CSMD1: variants seen among roughly 807,000 people sequenced by gnomAD.
CSMD1 encodes CUB and Sushi multiple domains 1, also known as CUB and sushi domain-containing protein 1.
A neutral mutation model predicts 417.5 loss-of-function variants in CSMD1; 213 were observed. The observed-to-expected ratio is 0.51, with a 90% CI of 0.46 to 0.57. The LOEUF (loss-of-function observed/expected upper bound fraction) is 0.57. Ranked by LOEUF, CSMD1 falls within the 20% of genes least tolerant of loss-of-function variation. CSMD1 has a pLI of 0.00. For missense variants in CSMD1, 6,923 were observed against 4,529.7 expected (o/e 1.53, Z -15.17); for synonymous variants, 2,862 against 1,736.8 (o/e 1.65, Z -16.11).
intron 18 of CSMD1, among the ~76,000 whole-genome samples, chr8:3,379,657 G>C (rs7820563): frequency 0.8 from 121,885 of 152,096 alleles, 49,247 homozygotes; most frequent in African/African-American, 0.9. Flanking sequence ...AAAGGATTCC[G>C]TATTTAATAA....
intron 7 of CSMD1, among the ~76,000 whole-genome samples, chr8:3,698,678 G>T (rs910009295): frequency 6.6e-6 from 1 of 152,134 alleles, no homozygotes; most frequent in East Asian, 1.9e-4. Flanking sequence ...AACACGCCTG[G>T]TATTCCTTAA....
intron 25 of CSMD1, among the ~76,000 whole-genome samples, chr8:3,297,180 C>G (rs1426763154): frequency 6.6e-6 from 1 of 152,058 alleles, no homozygotes; most frequent in Non-Finnish European, 1.5e-5. Flanking sequence ...CATACAAAAG[C>G]TAAATAAATG....
intron 3 of CSMD1, among the ~76,000 whole-genome samples, chr8:4,175,164 T>C (rs1350999469): frequency 1.3e-5 from 2 of 152,060 alleles, no homozygotes; most frequent in East Asian, 1.9e-4. Context: ...AAGATCATTG[T>C]TGAAAAGTGA....
chr8:3,747,106 A>G (rs1797100501), intron 6 of CSMD1, among the ~76,000 whole-genome samples: 1 of 152,242 alleles, frequency 6.6e-6, no homozygotes, highest in African/African-American at 2.4e-5. Flanking sequence ...AAGTCGGTGG[A>G]GAAACACAGT....
chr8:3,934,058 T>A (rs1810324258), intron 5 of CSMD1, among the ~76,000 whole-genome samples: 1 of 152,158 alleles, frequency 6.6e-6, no homozygotes, highest in African/African-American at 2.4e-5. Context: ...ACACTGAGTA[T>A]CAGTGACACC....
At chr8:3,100,323 G>C (rs1054225898) in intron 46 of CSMD1, among the ~76,000 whole-genome samples, 1 of 152,112 alleles carries the variant, frequency 6.6e-6, no homozygotes, top group African/African-American at 2.4e-5. Context: ...ACCATGCTCG[G>C]CCTAAGAAGC....
intron 46 of CSMD1, among the ~76,000 whole-genome samples, chr8:3,102,034 T>G (rs1815793893): frequency 6.6e-6 from 1 of 152,070 alleles, no homozygotes; most frequent in African/African-American, 2.4e-5. Flanking sequence ...ACTCCTGACC[T>G]CAGGTGATCC....
intron 2 of CSMD1, among the ~76,000 whole-genome samples, chr8:4,575,430 T>C (rs1277731241): frequency 2.0e-5 from 3 of 152,226 alleles, no homozygotes; most frequent in East Asian, 3.9e-4. Context: ...CCACTACATA[T>C]TGTCTGTGTA....
intron 1 of CSMD1, among the ~76,000 whole-genome samples, chr8:4,831,965 A>C (rs1454492620): frequency 6.6e-6 from 1 of 152,182 alleles, no homozygotes; most frequent in Non-Finnish European, 1.5e-5. Context: ...TGGGAGAAAA[A>C]GTGAGGGGAA....
intron 1 of CSMD1, among the ~76,000 whole-genome samples, chr8:4,668,581 C>T (rs1407729820): frequency 6.6e-6 from 1 of 151,788 alleles, no homozygotes; most frequent in Admixed American, 6.6e-5. Context: ...TCCAGAGAAG[C>T]TGGGAATACA....
At chr8:4,833,649 A>T (rs1242761839) in intron 1 of CSMD1, among the ~76,000 whole-genome samples, 1 of 152,210 alleles carries the variant, frequency 6.6e-6, no homozygotes. Flanking sequence ...AACAGAGTAG[A>T]CAACACTACG....
At position 4,100,085 on chromosome 8, in the gene CSMD1, C is replaced by G. The variant is rs375372063; in HGVS notation, c.416-67986G>C. ...AGAATCCAAGAAATTTGGGTTAATC[C>G]AGACTCCTACTCACTGGCTTTCTGA... On this transcript the variant is annotated intron_variant, in intron 3 of 69. Coordinates refer to ENST00000635120, the MANE Select transcript of CSMD1 (RefSeq NM_033225.6). Among the ~76,000 whole-genome samples, 149 of 152,164 alleles carry G rather than the reference C, an allele frequency of 9.8e-4. 6 individuals carry two copies. In the South Asian group the frequency reaches 0.029, roughly 30 times the overall value.
At chr8:3,568,074 A>G (rs1799790878) in intron 10 of CSMD1, among the ~76,000 whole-genome samples, 1 of 152,208 alleles carries the variant, frequency 6.6e-6, no homozygotes, top group Non-Finnish European at 1.5e-5. Context: ...TTTACTTAAT[A>G]TGTTTAAAAA....
intron 41 of CSMD1, among the ~76,000 whole-genome samples, chr8:3,141,196 G>A (rs979220247): frequency 6.6e-6 from 1 of 152,022 alleles, no homozygotes; most frequent in South Asian, 2.1e-4. Flanking sequence ...TGGGATGGGA[G>A]TACAGGTGAA....
At chr8:4,464,931 C>T (rs1259149244) in intron 2 of CSMD1, among the ~76,000 whole-genome samples, 2 of 151,978 alleles carry the variant, frequency 1.3e-5, no homozygotes, top group African/African-American at 4.8e-5. Flanking sequence ...AGCACGAAGC[C>T]ATATTCAAAC....
chr8:4,613,542 C>T (rs1238556204), intron 2 of CSMD1, among the ~76,000 whole-genome samples: 1 of 152,192 alleles, frequency 6.6e-6, no homozygotes, highest in Admixed American at 6.5e-5. Flanking sequence ...GTAAGCCCAG[C>T]ACTTTCACAC....
intron 3 of CSMD1, among the ~76,000 whole-genome samples, chr8:4,258,277 T>A (rs1287356999): frequency 7.9e-6 from 1 of 126,344 alleles, no homozygotes; most frequent in Non-Finnish European, 1.6e-5. Flanking sequence ...CGCTGTGAGC[T>A]ATTATGGTAA....
At position 3,548,990 on chromosome 8, in the gene CSMD1, T is replaced by C. The variant is rs80216085; in HGVS notation, c.1344+25955A>G. Among the ~76,000 whole-genome samples, 731 of 152,152 alleles carry C rather than the reference T, an allele frequency of 4.8e-3. 5 individuals are homozygous for C. Among genetic ancestry groups the C allele is most frequent in the African/African-American group, 0.016 (658 of 41,522 alleles). The stretch of plus-strand genomic sequence containing the variant: ...GCTCTTGCAGACACCCCTCCCAATA[T>C]ACCTGGGTTTCCTCACCCTCTAGCC... On this transcript the variant is annotated intron_variant, in intron 10 of 69. Coordinates refer to ENST00000635120, the MANE Select transcript of CSMD1 (RefSeq NM_033225.6).
intron 5 of CSMD1, among the ~76,000 whole-genome samples, chr8:3,766,505 G>C (rs1046938084): frequency 6.6e-6 from 1 of 152,046 alleles, no homozygotes; most frequent in East Asian, 1.9e-4. Context: ...GACACCCTTT[G>C]CCTCCTATAA....
Sources: gnomAD v4.1 joint callset for allele counts (sites outside exome capture counted in the v4.1 genomes callset) on GRCh38, gnomAD v4.1.1 for gene constraint, MANE v1.5 for transcripts, NCBI Gene and HGNC (gene_info 2026-07-23, HGNC 2026-07-21) for gene names.